The following PLS3 variants were observed in gnomAD, a reference collection of about 807,000 sequenced individuals.
The protein encoded by PLS3 is plastin 3.
A neutral mutation model predicts 46.5 loss-of-function variants in PLS3; 11 were observed. The observed-to-expected ratio is 0.24, with a 90% confidence interval of 0.15 to 0.39. The LOEUF (loss-of-function observed/expected upper bound fraction) is 0.39. Ranked by LOEUF, PLS3 falls within the 10% of genes least tolerant of loss-of-function variation. The pLI, the probability that PLS3 is intolerant of heterozygous loss-of-function variation, is 1.00. For synonymous variants in PLS3, 167 were observed against 162.2 expected (o/e 1.03, Z -0.22); for missense variants, 308 against 461.8 (o/e 0.67, Z 3.05).
At chrX:115,582,525 A>T (rs2074284945) in intron 1 of PLS3, among the ~76,000 whole-genome samples, 1 of 111,974 alleles carries the variant, frequency 8.9e-6, no homozygotes, top group Non-Finnish European at 1.9e-5. Flanking sequence ...CAAAATAAAC[A>T]AATTTTGTAG....
intron 1 of PLS3, among the ~76,000 whole-genome samples, chrX:115,572,206 T>C (rs1340251636): frequency 4.5e-5 from 5 of 111,558 alleles, no homozygotes; most frequent in Middle Eastern, 4.6e-3. Flanking sequence ...AGCAAACTAG[T>C]GGCTGGGCAT....
chrX:115,648,092 T>C, intron 15 of PLS3, 75 bp downstream of exon 15: 1 of 851,130 alleles, frequency 1.2e-6, no homozygotes, highest in Non-Finnish European at 1.7e-6. Context: ...ATTCAGGTTC[T>C]GCCATTTAAG....
At chrX:115,566,412 T>A (rs1359089380) in intron 1 of PLS3, among the ~76,000 whole-genome samples, 1 of 99,188 alleles carries the variant, frequency 1.0e-5, no homozygotes, top group Non-Finnish European at 2.0e-5. Flanking sequence ...AAAGACGGAG[T>A]CTTGCTTTGT....
At chrX:115,622,066 T>C in intron 2 of PLS3, 180 bp from the exon 3 acceptor site, 1 of 414,363 alleles carries the variant, frequency 2.4e-6, no homozygotes. Flanking sequence ...ATACATGATG[T>C]AAAACCTTGC....
At chrX:115,643,643 G>A (rs2074920479) in intron 10 of PLS3, 135 bp downstream of exon 10, 1 of 432,001 alleles carries the variant, frequency 2.3e-6, no homozygotes, top group South Asian at 4.2e-5. Flanking sequence ...AGTAAAAACT[G>A]GCAGGAAAGT....
chrX:115,622,465 G>T, intron 3 of PLS3, 56 bp downstream of exon 3: 2 of 772,223 alleles, frequency 2.6e-6, no homozygotes, highest in African/African-American at 4.1e-5. Context: ...CTCGTCTAGT[G>T]GGATGTTATA....
intron 1 of PLS3, among the ~76,000 whole-genome samples, chrX:115,574,311 G>A (rs1044344510): frequency 5.4e-5 from 6 of 111,856 alleles, no homozygotes; most frequent in Non-Finnish European, 7.5e-5. Flanking sequence ...TGCTGATAAC[G>A]ATTGAATTGG....
intron 1 of PLS3, among the ~76,000 whole-genome samples, chrX:115,571,378 C>T (rs782401634): frequency 1.8e-5 from 2 of 110,992 alleles, no homozygotes; most frequent in East Asian, 2.9e-4. Flanking sequence ...ATTAGCCAGG[C>T]GTGTTGGCCC....
In PLS3 at chrX:115,650,853, T is replaced by G. The variant is rs1490470990; in HGVS notation, c.*1292T>G. 12 of 111,795 alleles carry G rather than the reference T, an allele frequency of 1.1e-4. No homozygotes were observed. The highest frequency in any genetic ancestry group is 3.9e-4 in the African/African-American group (12 of 30,803). 9.2% of individuals were successfully genotyped at this position (111,795 alleles called of 1,213,427 possible). On this transcript the variant is annotated 3_prime_UTR_variant, in exon 16 of 16. Coordinates refer to ENST00000355899, the MANE Select transcript of PLS3 (RefSeq NM_005032.7). ...ATGAAGTAAAAAGGTTTTCTCCAAT[T>G]TACCAAAATTTCTTTATCCAGTTCC...
chrX:115,620,715 T>C (rs2074643508), intron 2 of PLS3, among the ~76,000 whole-genome samples: 1 of 87,163 alleles, frequency 1.1e-5, no homozygotes. Context: ...TCTTTTTTTT[T>C]TTTTTTTTTT....
chrX:115,621,661 T>C (rs1288930056), intron 2 of PLS3, among the ~76,000 whole-genome samples: 3 of 111,993 alleles, frequency 2.7e-5, no homozygotes, highest in African/African-American at 9.7e-5. Flanking sequence ...AGGTTATTTA[T>C]AGAGTCATAT....
intron 5 of PLS3, among the ~76,000 whole-genome samples, chrX:115,630,837 A>G (rs1188194579): frequency 3.2e-5 from 3 of 92,849 alleles, no homozygotes; most frequent in Non-Finnish European, 6.1e-5. Flanking sequence ...GTATATATGT[A>G]TATATATGTA....
chrX:115,645,698 T>C (rs1556641587), intron 11 of PLS3, among the ~76,000 whole-genome samples: 1 of 111,488 alleles, frequency 9.0e-6, no homozygotes, highest in Non-Finnish European at 1.9e-5. Context: ...AGTTCCTTTT[T>C]TTCTTAATAG....
At chrX:115,647,822 A>G (rs1556641971) in intron 14 of PLS3, 71 bp from the exon 15 acceptor site, 1 of 1,173,883 alleles carries the variant, frequency 8.5e-7, no homozygotes, top group African/African-American at 1.8e-5. Context: ...TGTTTTTGGC[A>G]CTTGATATAA....
chrX:115,589,418 T>C (rs1247211743), intron 1 of PLS3, among the ~76,000 whole-genome samples: 1 of 112,398 alleles, frequency 8.9e-6, no homozygotes, highest in Non-Finnish European at 1.9e-5. Flanking sequence ...TTTCCTAAAC[T>C]TTCCAATATA....
intron 1 of PLS3, among the ~76,000 whole-genome samples, chrX:115,566,590 C>T (rs1277134986): frequency 2.7e-5 from 3 of 110,771 alleles, no homozygotes; most frequent in East Asian, 5.7e-4. Flanking sequence ...GGGGTTTCAC[C>T]GTGGTCTCGA....
At chrX:115,570,399 A>C (rs2074205575) in intron 1 of PLS3, among the ~76,000 whole-genome samples, 1 of 110,943 alleles carries the variant, frequency 9.0e-6, no homozygotes, top group Admixed American at 9.6e-5. Flanking sequence ...GTAGGTGCTC[A>C]ATAAGTATTT....
intron 2 of PLS3, among the ~76,000 whole-genome samples, chrX:115,618,463 G>A (rs2074618037): frequency 9.0e-6 from 1 of 111,402 alleles, no homozygotes. Flanking sequence ...GTGAGAGCCT[G>A]TAGTCTCAGC....
chrX:115,615,561 TTTC>T lies in PLS3; in HGVS notation c.73+5241_73+5243del, dbSNP rs1280612284. ...AACAGTCCTTTTAACAGTTGATTCT[TTTC>T]TTATGAATTCAGTCAGTGGCCAATA... On this transcript the variant is annotated intron_variant, in intron 2 of 15. Coordinates refer to ENST00000355899, the MANE Select transcript of PLS3 (RefSeq NM_005032.7). Among the ~76,000 whole-genome samples the T allele has an allele frequency of 2.8e-5, 3 of 108,743 alleles. No homozygotes were observed. The East Asian group carries it at 8.7e-4, about 31-fold the overall frequency. The allele number at this position is 108,743 out of a possible 115,157, so 94.4% of individuals were successfully genotyped here. A position where few individuals can be genotyped will look rare whatever the true frequency, so the allele number is the denominator to read the frequency against.
Sources: gnomAD v4.1 joint callset for allele counts (sites outside exome capture counted in the v4.1 genomes callset) on GRCh38, gnomAD v4.1.1 for gene constraint, MANE v1.5 for transcripts, NCBI Gene and HGNC (gene_info 2026-07-23, HGNC 2026-07-21) for gene names.